The following ADARB2 variants were observed in gnomAD, a reference collection of about 807,000 sequenced individuals.
The protein encoded by ADARB2 is inactive double-stranded RNA-specific editase B2.
Under a neutral mutation model 62.2 loss-of-function variants are expected in ADARB2, and 25 were observed. That is an observed-to-expected ratio of 0.40 (90% CI 0.29 to 0.56). The LOEUF is 0.56. ADARB2 is among the 20% of genes least tolerant of loss of function. The pLI is 0.43. For synonymous variants in ADARB2, 572 were observed against 500.8 expected, an observed-to-expected ratio of 1.14 and a Z score of -1.90; for missense variants, 1,071 against 1,077.4, an observed-to-expected ratio of 0.99 and a Z score of 0.08.
intron 1 of ADARB2, among the ~76,000 whole-genome samples, chr10:1,537,484 A>G (rs554486117): frequency 1.3e-4 from 20 of 152,366 alleles, no homozygotes; most frequent in Admixed American, 4.6e-4. Context: ...AGGATTATAA[A>G]TTATTCTACT....
At chr10:1,626,359 A>G in intron 1 of ADARB2, among the ~76,000 whole-genome samples, 1 of 115,762 alleles carries the variant, frequency 8.6e-6, no homozygotes, top group Non-Finnish European at 1.8e-5. Flanking sequence ...CCTCCACTGG[A>G]CCTCGGATGC....
intron 8 of ADARB2, among the ~76,000 whole-genome samples, chr10:1,185,669 C>T (rs984003846): frequency 3.9e-5 from 6 of 152,200 alleles, no homozygotes; most frequent in African/African-American, 9.7e-5. Flanking sequence ...GACAGTGGGG[C>T]GTTAAACCAA....
chr10:1,321,013 C>T (rs140827940), intron 3 of ADARB2, among the ~76,000 whole-genome samples: 30 of 152,292 alleles, frequency 2.0e-4, no homozygotes, highest in African/African-American at 6.5e-4. Context: ...GTTCTGATGA[C>T]ATTAGAATGT....
chr10:1,546,547 C>T (rs576883602), intron 1 of ADARB2, among the ~76,000 whole-genome samples: 1 of 152,248 alleles, frequency 6.6e-6, no homozygotes, highest in Non-Finnish European at 1.5e-5. Flanking sequence ...CACAACACTG[C>T]CACCACAAGT....
intron 1 of ADARB2, among the ~76,000 whole-genome samples, chr10:1,565,696 T>C (rs570048144): frequency 1.6e-4 from 25 of 152,324 alleles, no homozygotes; most frequent in African/African-American, 5.8e-4. Context: ...CCTCCTGTTT[T>C]CCACAATTTG....
At chr10:1,529,849 GCT>G (rs1832201360) in intron 1 of ADARB2, among the ~76,000 whole-genome samples, 6 of 152,062 alleles carry the variant, frequency 3.9e-5, no homozygotes, top group Admixed American at 2.0e-4. Flanking sequence ...CTGGGAAGCC[GCT>G]CTCTGCTCCC....
At chr10:1,418,321 T>A (rs1461858687) in intron 1 of ADARB2, among the ~76,000 whole-genome samples, 1 of 152,228 alleles carries the variant, frequency 6.6e-6, no homozygotes, top group Non-Finnish European at 1.5e-5. Context: ...CCTCGAGCTT[T>A]AAGATGCAGC....
At chr10:1,234,984 T>G (rs547655803) in intron 5 of ADARB2, among the ~76,000 whole-genome samples, 9 of 152,210 alleles carry the variant, frequency 5.9e-5, no homozygotes, top group Non-Finnish European at 2.9e-5. Context: ...TGACTTCAGG[T>G]GATCCACCCG....
chr10:1,261,625 TAA>T (rs1831137866), intron 4 of ADARB2, among the ~76,000 whole-genome samples: 1 of 149,322 alleles, frequency 6.7e-6, no homozygotes, highest in South Asian at 2.1e-4. Flanking sequence ...AGGCAATCAT[TAA>T]AAAGTCAGGA....
At position 1,270,991 on chromosome 10, in the gene ADARB2, G is replaced by C; in HGVS notation, c.1156C>G (p.Arg386Gly). The change falls in exon 4 of 10, where the codon CGC becomes GGC. Residue 386 changes from arginine (R) to glycine (G), a missense_variant. Transcript: ENST00000381312. The stretch of plus-strand genomic sequence containing the variant: ...ACGATTCCTGCCAGCGCTTTATGGC[G>C]GGCGTGCATGGGCGTGAGGTCCGTC... ...VTTDLTPMHA[R>G]HKALAGIVMT... 6.2e-7 allele frequency: 1 copy of C among 1,613,294 alleles called. No homozygotes were observed.
chr10:1,337,373 A>G (rs1393544746), intron 3 of ADARB2, among the ~76,000 whole-genome samples: 9 of 152,172 alleles, frequency 5.9e-5, no homozygotes, highest in African/African-American at 1.9e-4. Flanking sequence ...GCTGGGCTCA[A>G]CTACACCAAA....
intron 3 of ADARB2, among the ~76,000 whole-genome samples, chr10:1,329,981 G>C (rs1007343342): frequency 1.4e-5 from 2 of 144,776 alleles, no homozygotes; most frequent in African/African-American, 2.6e-5. Flanking sequence ...GATAGGACGG[G>C]AATGTTTTCC....
At chr10:1,450,815 A>G (rs1054787450) in intron 1 of ADARB2, among the ~76,000 whole-genome samples, 9 of 152,126 alleles carry the variant, frequency 5.9e-5, no homozygotes, top group Non-Finnish European at 1.3e-4. Context: ...CTGAAAACCC[A>G]AGATTTGGGG....
At chr10:1,227,680 G>C (rs537049771) in intron 6 of ADARB2, among the ~76,000 whole-genome samples, 1 of 152,138 alleles carries the variant, frequency 6.6e-6, no homozygotes, top group South Asian at 2.1e-4. Context: ...GGGAGCTAAA[G>C]ATTTATCTAA....
In ADARB2 at chr10:1,535,209, C is replaced by T. The variant is rs1024199790; in HGVS notation, c.101-156049G>A. Among the ~76,000 whole-genome samples the T allele has an allele frequency of 3.9e-5, 6 of 152,250 alleles. No individual in the cohort carries two copies. The South Asian group carries it at 6.2e-4, about 16-fold the overall frequency. On this transcript the variant is annotated intron_variant, in intron 1 of 9. Coordinates refer to ENST00000381312, the MANE Select transcript of ADARB2 (RefSeq NM_018702.4). ...TGTGCTGGGATTCTGCTCTTTACGC[C>T]GTCCCCGGGCAACACAGACATCAGC...
At chr10:1,342,652 A>T (rs771873761) in intron 3 of ADARB2, among the ~76,000 whole-genome samples, 1 of 152,204 alleles carries the variant, frequency 6.6e-6, no homozygotes, top group Non-Finnish European at 1.5e-5. Flanking sequence ...GCACTTGAGG[A>T]CATCAGCAGC....
chr10:1,360,531 A>T (rs1564268412), intron 3 of ADARB2, among the ~76,000 whole-genome samples: 1 of 152,210 alleles, frequency 6.6e-6, no homozygotes, highest in Admixed American at 6.5e-5. Context: ...CAATTTCTGA[A>T]GTCTTTTCAT....
chr10:1,379,940 T>C (rs1384187481), intron 1 of ADARB2, among the ~76,000 whole-genome samples: 1 of 152,218 alleles, frequency 6.6e-6, no homozygotes, highest in East Asian at 1.9e-4. Context: ...ATTTATTTCA[T>C]CAATAGCGAG....
chr10:1,664,519 C>T (rs905388340), intron 1 of ADARB2, among the ~76,000 whole-genome samples: 7 of 152,200 alleles, frequency 4.6e-5, no homozygotes, highest in Non-Finnish European at 7.3e-5. Flanking sequence ...AGAGGCTTCA[C>T]GGTCCAGAGA....
Sources: allele counts gnomAD v4.1 joint callset (sites outside exome capture counted in the v4.1 genomes callset), GRCh38; gene constraint gnomAD v4.1.1; transcripts MANE v1.5; gene names NCBI Gene and HGNC (gene_info 2026-07-23, HGNC 2026-07-21).